LHFPL3: variants seen among roughly 807,000 people sequenced by gnomAD.
The protein encoded by LHFPL3 is LHFPL tetraspan subfamily member 3 protein.
In LHFPL3, 5 loss-of-function variants were observed where a neutral mutation model predicts 19.3. The ratio of observed to expected loss-of-function variants is 0.26; its 90% CI spans 0.14 to 0.54. The LOEUF (loss-of-function observed/expected upper bound fraction) is 0.54. Ranked by LOEUF, LHFPL3 falls within the 20% of genes least tolerant of loss-of-function variation. The pLI is 0.94. For synonymous variants in LHFPL3, 133 were observed against 126.2 expected, an observed-to-expected ratio of 1.05 and a Z score of -0.36; for missense variants, 249 against 307.4, an observed-to-expected ratio of 0.81 and a Z score of 1.42.
intron 2 of LHFPL3, among the ~76,000 whole-genome samples, chr7:104,849,697 T>C (rs1791378978): frequency 6.6e-6 from 1 of 152,220 alleles, no homozygotes; most frequent in Non-Finnish European, 1.5e-5. Flanking sequence ...AAGGTTAGGA[T>C]CTACTGCTAA....
intron 1 of LHFPL3, among the ~76,000 whole-genome samples, chr7:104,557,842 C>T (rs1789881459): frequency 6.7e-6 from 1 of 149,584 alleles, no homozygotes. Context: ...CCCCACCCCA[C>T]CACAGTCCCC....
rs569556854 is a variant in LHFPL3, at chr7:104,599,043, A to G, written c.446-137632A>G. On this transcript the variant is annotated intron_variant, in intron 1 of 2. Transcript: ENST00000424859. Reference sequence around the variant, plus strand: ...TCCATGAATTTTTAAAACTCCCCTCATATGAGTGCTTCTAAACAAAATGAA... The same window carrying G: ...TCCATGAATTTTTAAAACTCCCCTCGTATGAGTGCTTCTAAACAAAATGAA... Among the ~76,000 whole-genome samples, 8 of 152,318 alleles carry G rather than the reference A, an allele frequency of 5.3e-5. No individual in the cohort carries two copies. In the East Asian group the frequency reaches 5.8e-4, roughly 11 times the overall value.
At chr7:104,780,329 A>G (rs1306855530) in intron 2 of LHFPL3, among the ~76,000 whole-genome samples, 2 of 152,176 alleles carry the variant, frequency 1.3e-5, no homozygotes, top group African/African-American at 4.8e-5. Flanking sequence ...TTCTTTGGTA[A>G]GCATATCCCC....
intron 2 of LHFPL3, among the ~76,000 whole-genome samples, chr7:104,797,721 C>G (rs1486828165): frequency 6.7e-6 from 1 of 149,458 alleles, no homozygotes; most frequent in African/African-American, 2.5e-5. Flanking sequence ...AGAGACCAGC[C>G]TGGGTACCAA....
At chr7:104,562,991 C>A (rs1790039734) in intron 1 of LHFPL3, among the ~76,000 whole-genome samples, 1 of 152,156 alleles carries the variant, frequency 6.6e-6, no homozygotes, top group Non-Finnish European at 1.5e-5. Context: ...AGTTAGGCTG[C>A]TCGGGGGTCA....
intron 1 of LHFPL3, among the ~76,000 whole-genome samples, chr7:104,599,946 C>T (rs1163686060): frequency 6.6e-6 from 1 of 152,168 alleles, no homozygotes; most frequent in African/African-American, 2.4e-5. Flanking sequence ...TCTTATCCCC[C>T]GACATTACTA....
chr7:104,864,802 G>A (rs1039848695), intron 2 of LHFPL3, among the ~76,000 whole-genome samples: 5 of 152,182 alleles, frequency 3.3e-5, no homozygotes, highest in African/African-American at 1.2e-4. Flanking sequence ...TCCTCAAGTG[G>A]GTCCCTGCCC....
At chr7:104,462,044 A>C (rs939824577) in intron 1 of LHFPL3, among the ~76,000 whole-genome samples, 1 of 152,094 alleles carries the variant, frequency 6.6e-6, no homozygotes, top group African/African-American at 2.4e-5. Flanking sequence ...CTCTCGGCTT[A>C]GCTGTTGGTG....
At chr7:104,344,700 G>T (rs1467129733) in intron 1 of LHFPL3, among the ~76,000 whole-genome samples, 1 of 152,094 alleles carries the variant, frequency 6.6e-6, no homozygotes, top group Non-Finnish European at 1.5e-5. Context: ...CCATAGCTTT[G>T]CAGCTGTGAA....
intron 1 of LHFPL3, among the ~76,000 whole-genome samples, chr7:104,440,638 T>C (rs986226776): frequency 2.0e-5 from 3 of 152,162 alleles, no homozygotes; most frequent in Admixed American, 1.3e-4. Context: ...TGAGCCATAG[T>C]ATTAGGTTAG....
intron 2 of LHFPL3, among the ~76,000 whole-genome samples, chr7:104,860,178 C>CCACACACA (rs10534227): frequency 4.7e-5 from 6 of 128,872 alleles, no homozygotes; most frequent in African/African-American, 1.1e-4. Flanking sequence ...ATACACCCAC[C>CCACACACA]CACACACACA....
intron 1 of LHFPL3, among the ~76,000 whole-genome samples, chr7:104,472,186 A>C (rs1010918295): frequency 1.3e-5 from 2 of 151,906 alleles, no homozygotes; most frequent in African/African-American, 4.8e-5. Context: ...CAAAAAAAAA[A>C]AAAAATCACT....
chr7:104,721,489 G>C lies in LHFPL3; in HGVS notation c.446-15186G>C, dbSNP rs569015974. 4.6e-5 allele frequency among the ~76,000 whole-genome samples: 7 copies of C among 152,122 alleles called. No individual in the cohort carries two copies. In the East Asian group the frequency reaches 1.4e-3, roughly 29 times the overall value. On this transcript the variant is annotated intron_variant, in intron 1 of 2. Coordinates refer to ENST00000424859, the MANE Select transcript of LHFPL3 (RefSeq NM_199000.3). ...ACCAACATGGCACATGTATACCTGTGTATCAAACCTGCACGTTGTGCACAT... is the reference window on the plus strand; with the variant it reads ...ACCAACATGGCACATGTATACCTGTCTATCAAACCTGCACGTTGTGCACAT...
At chr7:104,843,868 A>G (rs992730901) in intron 2 of LHFPL3, among the ~76,000 whole-genome samples, 1 of 152,172 alleles carries the variant, frequency 6.6e-6, no homozygotes, top group Non-Finnish European at 1.5e-5. Flanking sequence ...ATGGAATGCT[A>G]CATGTTTTTA....
chr7:104,849,016 C>T (rs1791366218), intron 2 of LHFPL3, among the ~76,000 whole-genome samples: 1 of 152,002 alleles, frequency 6.6e-6, no homozygotes, highest in African/African-American at 2.4e-5. Context: ...CAACTTCCAC[C>T]TCTGGAGTCA....
At chr7:104,811,822 G>A (rs919257367) in intron 2 of LHFPL3, among the ~76,000 whole-genome samples, 1 of 152,150 alleles carries the variant, frequency 6.6e-6, no homozygotes, top group Admixed American at 6.5e-5. Context: ...ATAATGTGAA[G>A]ACATTTATTG....
At chr7:104,668,961 G>A (rs1401080185) in intron 1 of LHFPL3, 1 of 1,612,330 alleles carries the variant, frequency 6.2e-7, no homozygotes. Flanking sequence ...ACCCAAGCTG[G>A]CAAAGTGAAG....
chr7:104,366,507 G>A (rs1159538402), intron 1 of LHFPL3, among the ~76,000 whole-genome samples: 1 of 152,224 alleles, frequency 6.6e-6, no homozygotes, highest in Non-Finnish European at 1.5e-5. Context: ...CTGGGCTGTA[G>A]ACAAGGTTGG....
chr7:104,902,556 G>A (rs1461072161), intron 2 of LHFPL3, among the ~76,000 whole-genome samples: 4 of 152,118 alleles, frequency 2.6e-5, no homozygotes. Context: ...GGAGGCCGAG[G>A]TGGGTGGATC....
Sources: allele counts gnomAD v4.1 joint callset (sites outside exome capture counted in the v4.1 genomes callset), GRCh38; gene constraint gnomAD v4.1.1; transcripts MANE v1.5; gene names NCBI Gene and HGNC (gene_info 2026-07-23, HGNC 2026-07-21).